Variants in SH3GL3 observed in about 807,000 individuals in gnomAD.
SH3GL3 encodes SH3 domain containing GRB2 like 3, endophilin A3.
In SH3GL3, 33 loss-of-function variants were observed where a neutral mutation model predicts 47.7. The ratio of observed to expected loss-of-function variants is 0.69; its 90% CI spans 0.52 to 0.92. The LOEUF (loss-of-function observed/expected upper bound fraction) is 0.92, where lower values mean the gene tolerates loss of function less well. Among genes scored for constraint, SH3GL3 ranks in the 40% least tolerant of loss-of-function variants. SH3GL3 has a pLI of 0.00. For synonymous variants in SH3GL3, 155 were observed against 148.8 expected, an observed-to-expected ratio of 1.04 and a Z score of -0.30; for missense variants, 363 against 417.8, an observed-to-expected ratio of 0.87 and a Z score of 1.14.
At chr15:83,582,389 T>C (rs1163449768) in intron 6 of SH3GL3, among the ~76,000 whole-genome samples, 2 of 152,142 alleles carry the variant, frequency 1.3e-5, no homozygotes, top group Non-Finnish European at 2.9e-5. Context: ...CTGAGGTCTT[T>C]CCATTGGTCT....
chr15:83,546,212 A>G lies in SH3GL3; in HGVS notation c.46-13041A>G, dbSNP rs142397801. ...GCTGCAGGAGTCTGCTTGATGCTTTACTGTACTGTGGCTGAGCCGCTACCC... is the reference window on the plus strand; with the variant it reads ...GCTGCAGGAGTCTGCTTGATGCTTTGCTGTACTGTGGCTGAGCCGCTACCC... On this transcript the variant is annotated intron_variant, in intron 1 of 8. Coordinates refer to ENST00000427482, the MANE Select transcript of SH3GL3 (RefSeq NM_003027.5). Among the ~76,000 whole-genome samples the G allele has an allele frequency of 3.3e-4, 49 of 150,736 alleles. No individual in the cohort carries two copies. The East Asian group carries it at 4.3e-3, about 13-fold the overall frequency.
chr15:83,528,492 T>C (rs2043522108), intron 1 of SH3GL3, among the ~76,000 whole-genome samples: 1 of 152,212 alleles, frequency 6.6e-6, no homozygotes, highest in Non-Finnish European at 1.5e-5. Flanking sequence ...TGATTCTTAT[T>C]CATTCCTTTT....
At chr15:83,460,520 C>T (rs952284283) in intron 1 of SH3GL3, among the ~76,000 whole-genome samples, 5 of 152,140 alleles carry the variant, frequency 3.3e-5, no homozygotes, top group Admixed American at 6.5e-5. Flanking sequence ...GTACTCATAC[C>T]GTAGGAGGTT....
Position 83,501,698 on chromosome 15 carries a change from C to T in SH3GL3, c.45+54120C>T, listed in dbSNP as rs930944826. Among the ~76,000 whole-genome samples the T allele has an allele frequency of 5.9e-5, 9 of 152,206 alleles. No homozygotes were observed. In the East Asian group the frequency reaches 1.5e-3, roughly 26 times the overall value. ...CCTGAGGTCAGGAGTTCATGACTAG[C>T]CTGGCCAACATGGTGAAACCCTGTT... On this transcript the variant is annotated intron_variant, in intron 1 of 8. Transcript: ENST00000427482.
At chr15:83,593,167 G>T (rs952589662) in intron 8 of SH3GL3, among the ~76,000 whole-genome samples, 1 of 152,076 alleles carries the variant, frequency 6.6e-6, no homozygotes, top group Non-Finnish European at 1.5e-5. Flanking sequence ...AAAGTTGTTT[G>T]ACTATTCTAG....
At chr15:83,497,042 G>A (rs1029555102) in intron 1 of SH3GL3, among the ~76,000 whole-genome samples, 2 of 152,104 alleles carry the variant, frequency 1.3e-5, no homozygotes, top group African/African-American at 4.8e-5. Flanking sequence ...AGGCCCTGGA[G>A]CCCTCTAACA....
rs1383130092 is a variant in SH3GL3, at chr15:83,609,411, A to C, written c.839-8671A>C. The C allele has an allele frequency of 9.1e-6, 4 of 440,130 alleles. 1 individual carries two copies. The highest frequency in any genetic ancestry group is 1.8e-5 in the Non-Finnish European group (4 of 219,304). 27.3% of individuals were successfully genotyped at this position (440,130 alleles called of 1,614,324 possible). ...AACTATAAAAAGCAGGAACAAAAAC[A>C]CTCAAAAGACACAGCAGTCTGGGGG... On this transcript the variant is annotated intron_variant, in intron 8 of 8. Coordinates refer to ENST00000427482, the MANE Select transcript of SH3GL3 (RefSeq NM_003027.5).
chr15:83,525,942 C>T (rs1424382158), intron 1 of SH3GL3, among the ~76,000 whole-genome samples: 2 of 152,070 alleles, frequency 1.3e-5, no homozygotes, highest in African/African-American at 4.8e-5. Flanking sequence ...ATTTTTTTGA[C>T]ATCAGGTAGT....
the SH3GL3 span, among the ~76,000 whole-genome samples, chr15:83,626,030 G>T: frequency 6.6e-6 from 1 of 152,002 alleles, no homozygotes; most frequent in Non-Finnish European, 1.5e-5. Flanking sequence ...ACGGGGTTTC[G>T]CCATGTTGGC....
intron 8 of SH3GL3, among the ~76,000 whole-genome samples, chr15:83,592,704 C>T (rs1331178592): frequency 6.6e-6 from 1 of 152,182 alleles, no homozygotes; most frequent in Non-Finnish European, 1.5e-5. Flanking sequence ...AAGTTCTTCT[C>T]TCTTGATTTG....
chr15:83,614,335 CTG>C (rs796110456), intron 8 of SH3GL3, among the ~76,000 whole-genome samples: 1 of 152,272 alleles, frequency 6.6e-6, no homozygotes, highest in East Asian at 1.9e-4. Context: ...GGGGTGGGGT[CTG>C]TCACGGAAGG....
At chr15:83,455,414 G>A (rs2039923104) in intron 1 of SH3GL3, among the ~76,000 whole-genome samples, 1 of 56,190 alleles carries the variant, frequency 1.8e-5, no homozygotes, top group Non-Finnish European at 3.5e-5. Flanking sequence ...TTTCCAACTT[G>A]GTTCCATTCT....
intron 1 of SH3GL3, among the ~76,000 whole-genome samples, chr15:83,459,412 C>T (rs1347342690): frequency 2.0e-5 from 3 of 152,026 alleles, no homozygotes; most frequent in Admixed American, 6.6e-5. Flanking sequence ...CAGGTCTAAG[C>T]GAGTCATGGA....
chr15:83,447,417 G>A lies in SH3GL3; in HGVS notation c.-117G>A. The stretch of plus-strand genomic sequence containing the variant: ...CTGTGGCCGTGGCCGTGGGAGGCGG[G>A]CCCGGCGGAGCCCAGCCGCGGGGGG... On this transcript the variant is annotated 5_prime_UTR_variant, in exon 1 of 9. Transcript: ENST00000427482. This position sits in a 1 kb window ranked among gnomAD's most constrained non-coding sequence, Gnocchi z 5.1. 1.3e-6 allele frequency: 1 copy of A among 771,628 alleles called. No homozygotes were observed. The allele number at this position is 771,628 out of a possible 1,614,324, so 47.8% of individuals were successfully genotyped here.
intron 1 of SH3GL3, among the ~76,000 whole-genome samples, chr15:83,551,065 A>G (rs930710876): frequency 6.6e-6 from 1 of 152,242 alleles, no homozygotes; most frequent in Non-Finnish European, 1.5e-5. Flanking sequence ...AACATTCACC[A>G]TTAAAAACCC....
At chr15:83,486,426 T>C (rs1176649699) in intron 1 of SH3GL3, among the ~76,000 whole-genome samples, 1 of 152,196 alleles carries the variant, frequency 6.6e-6, no homozygotes, top group Non-Finnish European at 1.5e-5. Flanking sequence ...CTCCTGGGAA[T>C]CACTAATTAT....
intron 6 of SH3GL3, among the ~76,000 whole-genome samples, chr15:83,581,562 G>C (rs906259192): frequency 3.9e-4 from 60 of 152,296 alleles, no homozygotes; most frequent in African/African-American, 1.4e-3. Flanking sequence ...ACTTTCTTGA[G>C]AAATCCGGAG....
intron 1 of SH3GL3, among the ~76,000 whole-genome samples, chr15:83,538,324 C>T (rs957519355): frequency 1.3e-5 from 2 of 152,088 alleles, no homozygotes; most frequent in African/African-American, 4.8e-5. Flanking sequence ...AAATATTAAA[C>T]ACATTGAATG....
intron 8 of SH3GL3, among the ~76,000 whole-genome samples, chr15:83,594,131 A>C (rs1950507245): frequency 6.6e-6 from 1 of 152,208 alleles, no homozygotes. Flanking sequence ...CATAGATTTT[A>C]AAAATCAGAT....
Sources: allele counts gnomAD v4.1 joint callset (sites outside exome capture counted in the v4.1 genomes callset), GRCh38; gene constraint gnomAD v4.1.1; non-coding constraint Gnocchi (gnomAD v3.1); transcripts MANE v1.5; gene names NCBI Gene and HGNC (gene_info 2026-07-23, HGNC 2026-07-21).